CNTNAP2: variants seen among roughly 807,000 people sequenced by gnomAD.
CNTNAP2 encodes the protein contactin-associated protein-like 2.
Under a neutral mutation model 155.2 loss-of-function variants are expected in CNTNAP2, and 98 were observed. That is an observed-to-expected ratio of 0.63 (90% CI 0.54 to 0.75). The LOEUF (loss-of-function observed/expected upper bound fraction) is 0.75. Among genes scored for constraint, CNTNAP2 ranks in the 30% least tolerant of loss-of-function variants. The probability of loss-of-function intolerance (pLI) is 0.00; values close to 1 mark genes in which losing one functional copy is unlikely to be tolerated. For missense variants in CNTNAP2, 1,727 were observed against 1,688.1 expected (o/e 1.02, Z -0.40); for synonymous variants, 651 against 631.2 (o/e 1.03, Z -0.47).
intron 18 of CNTNAP2, among the ~76,000 whole-genome samples, chr7:148,212,159 A>T (rs1795562944): frequency 6.7e-6 from 1 of 150,186 alleles, no homozygotes. Flanking sequence ...TTTTTCTCCC[A>T]CTGTAAGCCT....
At chr7:146,235,350 C>T (rs917305672) in intron 1 of CNTNAP2, among the ~76,000 whole-genome samples, 1 of 151,742 alleles carries the variant, frequency 6.6e-6, no homozygotes, top group Non-Finnish European at 1.5e-5. Flanking sequence ...AATGTCTCCA[C>T]TGACTCTCAC....
At chr7:146,543,810 A>T (rs986737036) in intron 1 of CNTNAP2, among the ~76,000 whole-genome samples, 2 of 151,932 alleles carry the variant, frequency 1.3e-5, no homozygotes, top group Non-Finnish European at 2.9e-5. Flanking sequence ...TTCAGGCCTG[A>T]TGAACTACTT....
At chr7:148,297,974 A>G (rs535220320) in intron 21 of CNTNAP2, among the ~76,000 whole-genome samples, 1 of 152,172 alleles carries the variant, frequency 6.6e-6, no homozygotes, top group Non-Finnish European at 1.5e-5. Context: ...CTCATTCTCA[A>G]TTAAGGATTG....
At chr7:146,182,072 C>T (rs1269813851) in intron 1 of CNTNAP2, among the ~76,000 whole-genome samples, 1 of 151,694 alleles carries the variant, frequency 6.6e-6, no homozygotes, top group Non-Finnish European at 1.5e-5. Flanking sequence ...GTCTCCAGTG[C>T]TCACAGAAAT....
chr7:148,119,107 G>A (rs1198354653), intron 16 of CNTNAP2, among the ~76,000 whole-genome samples: 3 of 152,176 alleles, frequency 2.0e-5, no homozygotes, highest in African/African-American at 7.2e-5. Flanking sequence ...GAACTCCGTT[G>A]GCTGTGAGAG....
intron 9 of CNTNAP2, among the ~76,000 whole-genome samples, chr7:147,332,431 C>T (rs572799754): frequency 4.1e-4 from 62 of 152,134 alleles, no homozygotes; most frequent in Non-Finnish European, 7.4e-4. Context: ...TCTAAAAATG[C>T]GGATATTTTT....
chr7:146,852,826 C>T (rs966827348), intron 3 of CNTNAP2, among the ~76,000 whole-genome samples: 2 of 152,134 alleles, frequency 1.3e-5, no homozygotes, highest in African/African-American at 4.8e-5. Flanking sequence ...GAAACACATT[C>T]CCTCCACTTC....
chr7:146,896,378 G>A (rs1377372493), intron 3 of CNTNAP2, among the ~76,000 whole-genome samples: 2 of 151,852 alleles, frequency 1.3e-5, no homozygotes, highest in African/African-American at 4.8e-5. Flanking sequence ...ATCTCCACTA[G>A]GCAGTCTCCC....
intron 19 of CNTNAP2, among the ~76,000 whole-genome samples, chr7:148,222,499 A>AATGGATCATTCCATGAATCGATGG: frequency 1.3e-5 from 2 of 151,424 alleles, no homozygotes; most frequent in Middle Eastern, 6.8e-3. Flanking sequence ...TGAATCTATG[A>AATGGATCATTCCATGAATCGATGG]ATGGATCATT....
At chr7:146,790,972 C>T (rs67933459) in intron 2 of CNTNAP2, among the ~76,000 whole-genome samples, 9,815 of 151,332 alleles carry the variant, frequency 0.065, 446 homozygotes, top group African/African-American at 0.12. Context: ...GTGGAATGTG[C>T]AGGTTTGTTA....
chr7:148,382,762 A>G (rs1312616197), intron 21 of CNTNAP2, among the ~76,000 whole-genome samples: 8 of 152,226 alleles, frequency 5.3e-5, no homozygotes, highest in Non-Finnish European at 1.0e-4. Flanking sequence ...TTTCTCACAC[A>G]GTTCCCAGTA....
At chr7:147,351,584 A>G (rs528945503) in intron 9 of CNTNAP2, among the ~76,000 whole-genome samples, 1 of 151,988 alleles carries the variant, frequency 6.6e-6, no homozygotes, top group East Asian at 1.9e-4. Context: ...ATTTCTCTAG[A>G]AAACAGTGTT....
At chr7:147,625,155 C>CA (rs1310358271) in intron 12 of CNTNAP2, among the ~76,000 whole-genome samples, 1 of 151,898 alleles carries the variant, frequency 6.6e-6, no homozygotes, top group East Asian at 1.9e-4. Context: ...TTAATAAGTA[C>CA]AAAAAATAGA....
intron 1 of CNTNAP2, among the ~76,000 whole-genome samples, chr7:146,546,557 A>G (rs1361979143): frequency 6.6e-6 from 1 of 151,796 alleles, no homozygotes; most frequent in Non-Finnish European, 1.5e-5. Flanking sequence ...TCTACTTGGT[A>G]CCATCTAAGT....
chr7:147,027,010 AAAAAAAAC>A (rs1252270837), intron 3 of CNTNAP2, among the ~76,000 whole-genome samples: 150 of 144,566 alleles, frequency 1.0e-3, no homozygotes, highest in African/African-American at 3.8e-3. Flanking sequence ...AACAGAAAAA[AAAAAAAAC>A]AAAAAAAAGA....
intron 15 of CNTNAP2, among the ~76,000 whole-genome samples, chr7:148,024,773 A>C (rs1802347633): frequency 6.6e-6 from 1 of 152,218 alleles, no homozygotes; most frequent in Non-Finnish European, 1.5e-5. Flanking sequence ...TATCCATCAA[A>C]GTACAGGAAG....
intron 18 of CNTNAP2, among the ~76,000 whole-genome samples, chr7:148,186,567 G>A (rs1562988224): frequency 6.6e-6 from 1 of 152,112 alleles, no homozygotes; most frequent in African/African-American, 2.4e-5. Context: ...CAGACAACTG[G>A]AAAGATTTCC....
chr7:148,184,589 AT>A (rs980075381), intron 18 of CNTNAP2, among the ~76,000 whole-genome samples: 7 of 152,230 alleles, frequency 4.6e-5, no homozygotes, highest in African/African-American at 1.7e-4. Context: ...AGGCACCAAA[AT>A]GTCCTTTCAC....
intron 10 of CNTNAP2, among the ~76,000 whole-genome samples, chr7:147,414,455 T>C (rs1483862521): frequency 4.1e-5 from 6 of 147,156 alleles, no homozygotes; most frequent in Non-Finnish European, 7.5e-5. Flanking sequence ...AAAAAAAGGA[T>C]GCCAACAATA....
Sources: gnomAD v4.1 joint callset for allele counts (sites outside exome capture counted in the v4.1 genomes callset) on GRCh38, gnomAD v4.1.1 for gene constraint, MANE v1.5 for transcripts, NCBI Gene and HGNC (gene_info 2026-07-23, HGNC 2026-07-21) for gene names.